KRT73: variants seen among roughly 807,000 people sequenced by gnomAD.
The protein encoded by KRT73 is keratin 73.
In KRT73, 44 loss-of-function variants were observed where a neutral mutation model predicts 47.2. The observed-to-expected ratio is 0.93, with a 90% CI of 0.73 to 1.20. The LOEUF is 1.20. Among genes scored for constraint, KRT73 ranks in the 50% most tolerant of loss-of-function variants. KRT73 has a pLI of 0.00. For synonymous variants in KRT73, 285 were observed against 291.3 expected (o/e 0.98, Z 0.22); for missense variants, 713 against 704.5 (o/e 1.01, Z -0.14).
intron 4 of KRT73, 79 bp downstream of exon 4, chr12:52,614,500 A>T: frequency 7.8e-7 from 1 of 1,282,680 alleles, no homozygotes; most frequent in Non-Finnish European, 1.1e-6. Context: ...TGCTTAAGTT[A>T]CAGATAAGTA....
At chr12:52,608,918 C>T (rs1262131598) in intron 8 of KRT73, among the ~76,000 whole-genome samples, 1 of 152,192 alleles carries the variant, frequency 6.6e-6, no homozygotes, top group African/African-American at 2.4e-5. Flanking sequence ...ATTGAGGAGG[C>T]ACCACTCTGT....
chr12:52,628,978 C>T, the KRT73 span, among the ~76,000 whole-genome samples: 1 of 152,130 alleles, frequency 6.6e-6, no homozygotes, highest in African/African-American at 2.4e-5. Flanking sequence ...GAGTTGGAGA[C>T]CTGGACTCTC....
chr12:52,614,317 A>G lies in KRT73; in HGVS notation c.819+262T>C, dbSNP rs1258545214. On this transcript the variant is annotated intron_variant, in intron 4 of 8. Transcript: ENST00000305748. ...AGAGAGAAGAGAAGCAGGAATGAGA[A>G]TATGCTTGGCTGAAGTTCAGTGGGA... The G allele has an allele frequency of 1.6e-5, 7 of 435,804 alleles. No homozygotes were observed. In the South Asian group the frequency reaches 3.0e-4, roughly 19 times the overall value. 27.0% of individuals were successfully genotyped at this position (435,804 alleles called of 1,614,324 possible). A position where few individuals can be genotyped will look rare whatever the true frequency, so the allele number is the denominator to read the frequency against.
the KRT73 span, among the ~76,000 whole-genome samples, chr12:52,630,744 A>G: frequency 6.6e-6 from 1 of 152,158 alleles, no homozygotes. Context: ...AGTTCAGCTC[A>G]TCGACCTCCA....
chr12:52,619,225 T>G (rs1228490465), upstream of KRT73, among the ~76,000 whole-genome samples: 1 of 152,244 alleles, frequency 6.6e-6, no homozygotes, highest in Non-Finnish European at 1.5e-5. Flanking sequence ...CCCACTACCC[T>G]GACTCTTGAC....
At chr12:52,629,637 A>C in the KRT73 span, among the ~76,000 whole-genome samples, 1 of 151,810 alleles carries the variant, frequency 6.6e-6, no homozygotes, top group Non-Finnish European at 1.5e-5. Context: ...CAGCAAATCC[A>C]CCCCCACCTA....
At position 52,610,653 on chromosome 12, in the gene KRT73, G is replaced by A. The variant is rs60833636; in HGVS notation, c.1293C>T (p.Ile431=). 3,308 of 1,613,586 alleles carry A rather than the reference G, an allele frequency of 2.1e-3. 71 individuals are homozygous for A. In the African/African-American group the frequency reaches 0.039, roughly 19 times the overall value. Residue 431 remains isoleucine (I), a synonymous_variant, in exon 7 of 9, where the codon ATC becomes ATT. Transcript: ENST00000305748. ...LSVKLSLDIE[I]ATYRKLLEGE... is the part of the protein sequence containing the mutation. ...CCTCCAGCAGCTTGCGGTAGGTGGC[G>A]ATCTCAATATCCAGGGACAGCTTCA...
intron 2 of KRT73, 55 bp from the exon 3 acceptor site, chr12:52,615,394 G>A (rs1017188566): frequency 3.6e-5 from 50 of 1,391,830 alleles, no homozygotes; most frequent in African/African-American, 1.4e-4. Context: ...GTGTGTATAC[G>A]TTCTCATAGT....
chr12:52,624,664 G>A, the KRT73 span, among the ~76,000 whole-genome samples: 1 of 152,048 alleles, frequency 6.6e-6, no homozygotes, highest in South Asian at 2.1e-4. Flanking sequence ...TAACTCATGG[G>A]TTGAAGAGGA....
chr12:52,613,420 C>A (rs1475674950), intron 5 of KRT73: 5 of 381,174 alleles, frequency 1.3e-5, no homozygotes, highest in Non-Finnish European at 2.2e-5. Flanking sequence ...TGACCTGCCC[C>A]ACCTGGTCCT....
rs546459827 is a variant in KRT73 at position 52,618,079 on chromosome 12, T to C, written c.446A>G (p.Lys149Arg). The change falls in exon 1 of 9, where the codon AAG (lysine) becomes AGG (arginine). Residue 149 changes from lysine (K) to arginine (R), a missense_variant and splice_region_variant. Lys to Arg is a conservative substitution (Grantham distance 26, BLOSUM62 2). Coordinates refer to ENST00000305748, the MANE Select transcript of KRT73 (RefSeq NM_175068.3). ...LNNKFASFID[K>R]VRFLEQQNQV... is the part of the protein sequence containing the mutation. ...TCAGCTTTCTCCAGAAAGACCCACC[T>C]TGTCAATGAAGGAGGCGAACTTGTT... 2 of 1,613,470 alleles carry C rather than the reference T, an allele frequency of 1.2e-6. No homozygotes were observed. Among genetic ancestry groups the C allele is most frequent in the South Asian group, 1.1e-5 (1 of 90,932 alleles).
chr12:52,621,299 G>GC (rs1278322394), upstream of KRT73, among the ~76,000 whole-genome samples: 1 of 145,108 alleles, frequency 6.9e-6, no homozygotes, highest in Non-Finnish European at 1.5e-5. Flanking sequence ...AAGGGGGGGG[G>GC]GGGGAGAGAG....
At chr12:52,626,921 C>T in the KRT73 span, among the ~76,000 whole-genome samples, 4 of 152,314 alleles carry the variant, frequency 2.6e-5, no homozygotes, top group Non-Finnish European at 2.9e-5. Context: ...CCACTCTACC[C>T]GGAAGGGCTC....
chr12:52,614,974 G>T, intron 3 of KRT73: 1 of 530,486 alleles, frequency 1.9e-6, no homozygotes, highest in South Asian at 3.0e-5. Context: ...ACGGCGATTT[G>T]CCAGAAACTA....
upstream of KRT73, among the ~76,000 whole-genome samples, chr12:52,622,907 T>C (rs966448994): frequency 6.6e-6 from 1 of 151,864 alleles, no homozygotes; most frequent in African/African-American, 2.4e-5. Context: ...GAGAGGACAA[T>C]AAAAATTACC....
At chr12:52,609,208 T>C (rs755950002) in intron 8 of KRT73, 39 bp downstream of exon 8, 12 of 1,595,180 alleles carry the variant, frequency 7.5e-6, no homozygotes, top group Non-Finnish European at 1.0e-5. Context: ...TGTTTGTTGA[T>C]GGACTAAAAG....
chr12:52,610,292 G>C lies in KRT73; in HGVS notation c.1331+323C>G, dbSNP rs1198299334. ...GGTTTCTCCAATGTTGGCCAGGCTG[G>C]TCTCAAACTCCTGACCTCAGGTGAT... On this transcript the variant is annotated intron_variant, in intron 7 of 8. Coordinates refer to ENST00000305748, the MANE Select transcript of KRT73 (RefSeq NM_175068.3). The C allele has an allele frequency of 1.5e-5, 5 of 333,948 alleles. No individual in the cohort carries two copies. The East Asian group carries it at 3.6e-4, about 24-fold the overall frequency. 20.7% of individuals were successfully genotyped at this position (333,948 alleles called of 1,614,324 possible).
chr12:52,614,861 A>C, intron 3 of KRT73, 187 bp from the exon 4 acceptor site: 1 of 567,642 alleles, frequency 1.8e-6, no homozygotes, highest in South Asian at 2.3e-5. Context: ...CAAGTTTCTC[A>C]TGCCTCTGGA....
At position 52,618,235 on chromosome 12, in the gene KRT73, G is replaced by A. The variant is rs201416658; in HGVS notation, c.290C>T (p.Ser97Leu). Residue 97 changes from serine (S) to leucine (L), a missense_variant, in exon 1 of 9, where the codon TCG (serine) becomes TTG (leucine). Transcript: ENST00000305748. ...GSVALGSVCPSLCPPGGIHQV... is the reference protein window; with the variant it reads ...GSVALGSVCPLLCPPGGIHQV... Reference sequence around the variant, plus strand: ...ATGGATACCCCCGGGCGGGCACAACGACGGACACACGGACCCCAAGGCCAC... The same window carrying A: ...ATGGATACCCCCGGGCGGGCACAACAACGGACACACGGACCCCAAGGCCAC... 27 of 1,614,164 alleles carry A rather than the reference G, an allele frequency of 1.7e-5. No individual in the cohort carries two copies. The East Asian group carries it at 5.1e-4, about 31-fold the overall frequency.
Sources: allele counts gnomAD v4.1 joint callset (sites outside exome capture counted in the v4.1 genomes callset), GRCh38; gene constraint gnomAD v4.1.1; transcripts MANE v1.5; gene names NCBI Gene and HGNC (gene_info 2026-07-23, HGNC 2026-07-21).